PRIM2: variants seen among roughly 807,000 people sequenced by gnomAD.
PRIM2 encodes DNA primase large subunit.
In PRIM2, 39 loss-of-function variants were observed where a neutral mutation model predicts 67.3. The ratio of observed to expected loss-of-function variants is 0.58; its 90% CI spans 0.45 to 0.76. The LOEUF is 0.76. Ranked by LOEUF, PRIM2 falls within the 30% of genes least tolerant of loss-of-function variation. The pLI is 0.00. For synonymous variants in PRIM2, 143 were observed against 198.7 expected (o/e 0.72, Z 2.36); for missense variants, 398 against 598.7 (o/e 0.66, Z 3.50).
chr6:57,379,859 G>T lies in PRIM2; in HGVS notation c.460-42G>T, dbSNP rs1327656931. ...AAATCATTTTATTGAAACTGAATGAGGACTTCAAATTTTTGTAACAGCTTA... is the reference window on the plus strand; with the variant it reads ...AAATCATTTTATTGAAACTGAATGATGACTTCAAATTTTTGTAACAGCTTA... On this transcript the variant is annotated intron_variant, in intron 5 of 13. Transcript: ENST00000615550. 5.9e-6 allele frequency: 9 copies of T among 1,512,768 alleles called. No homozygotes were observed. In the East Asian group the frequency reaches 2.2e-4, roughly 38 times the overall value. The allele number at this position is 1,512,768 out of a possible 1,614,324, so 93.7% of individuals were successfully genotyped here. A position where few individuals can be genotyped will look rare whatever the true frequency, so the allele number is the denominator to read the frequency against.
At chr6:57,424,478 A>T (rs147908438) in intron 7 of PRIM2, among the ~76,000 whole-genome samples, 71 of 152,346 alleles carry the variant, frequency 4.7e-4, no homozygotes, top group African/African-American at 1.7e-3. Context: ...CCACAAGATA[A>T]CATGAGTAAG....
intron 5 of PRIM2, among the ~76,000 whole-genome samples, chr6:57,343,825 A>G (rs992952730): frequency 1.3e-5 from 2 of 152,202 alleles, no homozygotes; most frequent in African/African-American, 4.8e-5. Context: ...CTACTATAAT[A>G]GGTTTTTGTA....
chr6:57,324,683 A>G (rs1166991729), intron 4 of PRIM2, among the ~76,000 whole-genome samples: 1 of 152,184 alleles, frequency 6.6e-6, no homozygotes, highest in African/African-American at 2.4e-5. Context: ...GGCCAGTTAA[A>G]TCGAAGATAT....
chr6:57,525,449 A>T (rs1774728398), intron 8 of PRIM2, among the ~76,000 whole-genome samples: 2 of 152,284 alleles, frequency 1.3e-5, no homozygotes, highest in South Asian at 4.1e-4. Context: ...TTCCAACTAC[A>T]TTCTCTAATT....
At chr6:57,509,041 A>AAGTTTT in intron 8 of PRIM2, among the ~76,000 whole-genome samples, 1 of 151,880 alleles carries the variant, frequency 6.6e-6, no homozygotes, top group Non-Finnish European at 1.5e-5. Context: ...TTTCACCAGA[A>AAGTTTT]AGTTTTAGTT....
At chr6:57,636,115 C>T (rs1338058274) in intron 13 of PRIM2, among the ~76,000 whole-genome samples, 2 of 152,104 alleles carry the variant, frequency 1.3e-5, no homozygotes, top group African/African-American at 4.8e-5. Context: ...CATCTCAATA[C>T]ATAAAATAAT....
At chr6:57,434,951 T>A (rs7761535) in intron 7 of PRIM2, 2,478 of 149,282 alleles carry the variant, frequency 0.017, 68 homozygotes, top group African/African-American at 0.057. Context: ...ATTTTTGTAT[T>A]TTTTTTTTTG....
At chr6:57,279,533 C>T in the PRIM2 span, among the ~76,000 whole-genome samples, 5 of 152,078 alleles carry the variant, frequency 3.3e-5, no homozygotes, top group South Asian at 2.1e-4. Context: ...GCTCCAGTCA[C>T]CCTCTGTTTT....
intron 8 of PRIM2, among the ~76,000 whole-genome samples, chr6:57,518,673 A>G (rs1774539153): frequency 6.6e-6 from 1 of 152,186 alleles, no homozygotes; most frequent in Non-Finnish European, 1.5e-5. Flanking sequence ...TAATTTGGAC[A>G]AAAAGCTGAT....
the PRIM2 span, among the ~76,000 whole-genome samples, chr6:57,235,566 G>C: frequency 6.6e-6 from 1 of 152,280 alleles, no homozygotes; most frequent in African/African-American, 2.4e-5. Context: ...TAGCATCTGT[G>C]ATAGGCAAGA....
intron 5 of PRIM2, among the ~76,000 whole-genome samples, chr6:57,330,357 T>G (rs991555833): frequency 8.5e-6 from 1 of 118,072 alleles, no homozygotes; most frequent in African/African-American, 3.7e-5. Flanking sequence ...TGTTTTTTTT[T>G]TTTGTTTTTG....
At chr6:57,377,355 GT>G (rs1769802699) in intron 5 of PRIM2, among the ~76,000 whole-genome samples, 1 of 151,882 alleles carries the variant, frequency 6.6e-6, no homozygotes, top group Admixed American at 6.5e-5. Context: ...TACCTATATT[GT>G]TTTTATTCAT....
intron 10 of PRIM2, among the ~76,000 whole-genome samples, chr6:57,598,789 C>G (rs1776413428): frequency 1.3e-5 from 2 of 150,272 alleles, no homozygotes; most frequent in Admixed American, 1.3e-4. Flanking sequence ...CCCAGGAGTT[C>G]TATGAGCTGC....
intron 7 of PRIM2, among the ~76,000 whole-genome samples, chr6:57,435,877 C>T (rs1198481307): frequency 6.6e-6 from 1 of 152,098 alleles, no homozygotes; most frequent in African/African-American, 2.4e-5. Flanking sequence ...TTTTAATGCA[C>T]CAATGGGGTA....
chr6:57,421,232 A>C (rs149446684), intron 7 of PRIM2, among the ~76,000 whole-genome samples: 1 of 152,336 alleles, frequency 6.6e-6, no homozygotes, highest in African/African-American at 2.4e-5. Flanking sequence ...GGACTAAAGT[A>C]ATATCTGGAA....
intron 7 of PRIM2, among the ~76,000 whole-genome samples, chr6:57,425,813 A>G (rs1318835233): frequency 1.3e-5 from 2 of 152,122 alleles, no homozygotes; most frequent in East Asian, 3.9e-4. Context: ...GATATAGTGT[A>G]CCTTTTTATT....
rs1191799422 is a variant in PRIM2, at chr6:57,548,785, G to A, written c.1020+11160G>A. On this transcript the variant is annotated intron_variant, in intron 10 of 13. Transcript: ENST00000615550. The stretch of plus-strand genomic sequence containing the variant: ...TTAAAAGTAGAAAGAAGAGCTGTGG[G>A]AGCTCACATCCACTGCTCATCTTTC... 3.1e-3 allele frequency among the ~76,000 whole-genome samples: 472 copies of A among 152,276 alleles called. 6 individuals carry two copies. The highest frequency in any genetic ancestry group is 0.028 in the Admixed American group (425 of 15,298).
the PRIM2 span, among the ~76,000 whole-genome samples, chr6:57,297,378 G>C: frequency 6.6e-6 from 1 of 152,092 alleles, no homozygotes; most frequent in Non-Finnish European, 1.5e-5. Flanking sequence ...GGAGGTGAAG[G>C]TTGCAGTGAG....
intron 7 of PRIM2, among the ~76,000 whole-genome samples, chr6:57,391,554 A>T (rs1158411841): frequency 6.6e-6 from 1 of 152,210 alleles, no homozygotes; most frequent in Non-Finnish European, 1.5e-5. Flanking sequence ...TGGTATAAGG[A>T]AAAGTCCAGC....
Sources: gnomAD v4.1 joint callset for allele counts (sites outside exome capture counted in the v4.1 genomes callset) on GRCh38, gnomAD v4.1.1 for gene constraint, MANE v1.5 for transcripts, NCBI Gene and HGNC (gene_info 2026-07-23, HGNC 2026-07-21) for gene names.